PPIF: variants seen among roughly 807,000 people sequenced by gnomAD.
PPIF encodes peptidylprolyl isomerase F.
A neutral mutation model predicts 20.2 loss-of-function variants in PPIF; 23 were observed. The ratio of observed to expected loss-of-function variants is 1.14; its 90% CI spans 0.82 to 1.61. PPIF has a LOEUF of 1.61. PPIF is among the 40% of genes most tolerant of loss of function. The pLI, the probability that PPIF is intolerant of heterozygous loss-of-function variation, is 0.00. For synonymous variants in PPIF, 113 were observed against 123.1 expected, an observed-to-expected ratio of 0.92 and a Z score of 0.54; for missense variants, 287 against 291.6, an observed-to-expected ratio of 0.98 and a Z score of 0.11.
chr10:79,354,029 A>G lies in PPIF; in HGVS notation c.*187A>G. 2 of 613,634 alleles carry G rather than the reference A, an allele frequency of 3.3e-6. No individual in the cohort carries two copies. The highest frequency in any genetic ancestry group is 2.8e-6 in the Non-Finnish European group (1 of 355,864). The allele number at this position is 613,634 out of a possible 1,614,324, so 38.0% of individuals were successfully genotyped here. A position where few individuals can be genotyped will look rare whatever the true frequency, so the allele number is the denominator to read the frequency against. On this transcript the variant is annotated 3_prime_UTR_variant, in exon 6 of 6. Coordinates refer to ENST00000225174, the MANE Select transcript of PPIF (RefSeq NM_005729.4). The stretch of plus-strand genomic sequence containing the variant: ...CCCACCACATTGCTTCCTAATACCC[A>G]CCCTTCCTCACGACCTCATTTCTGG...
chr10:79,348,172 C>T (rs1281388510), intron 1 of PPIF, among the ~76,000 whole-genome samples: 6 of 151,826 alleles, frequency 4.0e-5, no homozygotes, highest in African/African-American at 9.7e-5. Context: ...TTCCTGGCTC[C>T]GGCCCCGCCC....
At chr10:79,349,961 G>A in intron 3 of PPIF, 1 of 1,107,926 alleles carries the variant, frequency 9.0e-7, no homozygotes, top group Non-Finnish European at 1.2e-6. Flanking sequence ...GTCAGTGGCA[G>A]GCCCTGCCCG....
chr10:79,351,436 G>A (rs1320863597), intron 3 of PPIF, 51 bp from the exon 4 acceptor site: 1 of 1,586,630 alleles, frequency 6.3e-7, no homozygotes, highest in Non-Finnish European at 8.6e-7. Flanking sequence ...CCAGGGCCGT[G>A]GCCCCCGCCT....
Position 79,347,686 on chromosome 10 carries a change from G to A in PPIF, c.138G>A (p.Pro46=). Residue 46 remains proline, a synonymous_variant, in exon 1 of 6, where the codon CCG becomes CCA. Coordinates refer to ENST00000225174, the MANE Select transcript of PPIF (RefSeq NM_005729.4). ...CCTCTTCCTCCTCCTCCGGGAACCC[G>A]CTCGTGTACCTGGACGTGGACGCCA... The part of the protein sequence containing the change: ...DPSSSSSSGN[P]LVYLDVDANG... 1.3e-6 allele frequency: 2 copies of A among 1,482,432 alleles called. No individual in the cohort carries two copies. The highest frequency in any genetic ancestry group is 9.0e-7 in the Non-Finnish European group (1 of 1,112,856). The allele number at this position is 1,482,432 out of a possible 1,614,324, so 91.8% of individuals were successfully genotyped here. A position where few individuals can be genotyped will look rare whatever the true frequency, so the allele number is the denominator to read the frequency against.
chr10:79,349,893 C>T, intron 3 of PPIF, 140 bp downstream of exon 3: 1 of 1,480,444 alleles, frequency 6.8e-7, no homozygotes, highest in African/African-American at 1.4e-5. Flanking sequence ...CCTGCATTAG[C>T]CCTGTATCCA....
chr10:79,353,948 C>A lies in PPIF; in HGVS notation c.*106C>A. Reference sequence around the variant, plus strand: ...GCCTGAAACGATACGTGTGCCCACTCCACTGTCACAGTGTGCCTGAGGAAG... The same window carrying A: ...GCCTGAAACGATACGTGTGCCCACTACACTGTCACAGTGTGCCTGAGGAAG... On this transcript the variant is annotated 3_prime_UTR_variant, in exon 6 of 6. Coordinates refer to ENST00000225174, the MANE Select transcript of PPIF (RefSeq NM_005729.4). The A allele has an allele frequency of 2.4e-6, 3 of 1,272,290 alleles. No homozygotes were observed. The highest frequency in any genetic ancestry group is 3.3e-6 in the Non-Finnish European group (3 of 909,026). 78.8% of individuals were successfully genotyped at this position (1,272,290 alleles called of 1,614,324 possible).
At chr10:79,352,543 G>T in intron 5 of PPIF, 151 bp downstream of exon 5, 1 of 764,176 alleles carries the variant, frequency 1.3e-6, no homozygotes, top group East Asian at 2.6e-5. Context: ...ATGAGAAAGA[G>T]AAAGTTAGTG....
At chr10:79,349,011 G>C in intron 1 of PPIF, 65 bp from the exon 2 acceptor site, 4 of 1,612,988 alleles carry the variant, frequency 2.5e-6, no homozygotes, top group Non-Finnish European at 3.4e-6. Context: ...TGGGTGCTGA[G>C]AGACACCCAC....
At chr10:79,351,379 G>A (rs1855980024) in intron 3 of PPIF, 108 bp from the exon 4 acceptor site, 2 of 838,728 alleles carry the variant, frequency 2.4e-6, no homozygotes, top group African/African-American at 1.7e-5. Flanking sequence ...CTTTACCTGA[G>A]GGGCGCCAAC....
chr10:79,350,533 C>G (rs1855966350), intron 3 of PPIF, among the ~76,000 whole-genome samples: 4 of 152,208 alleles, frequency 2.6e-5, no homozygotes, highest in Admixed American at 2.6e-4. Flanking sequence ...TGGTAAGTGG[C>G]AGCGGGTTGG....
At position 79,351,498 on chromosome 10, in the gene PPIF, C is replaced by A. The variant is rs190946692; in HGVS notation, c.327C>A (p.Phe109Leu). The change falls in exon 4 of 6, where the codon TTC (phenylalanine) becomes TTA (leucine). Residue 109 changes from phenylalanine to leucine, a missense_variant. Physicochemically the swap from Phe to Leu is conservative, Grantham distance 22. Coordinates refer to ENST00000225174, the MANE Select transcript of PPIF (RefSeq NM_005729.4). The stretch of plus-strand genomic sequence containing the variant: ...CTTTGTGCTCACAGGCGGGCGACTT[C>A]ACCAACCACAATGGCACAGGCGGGA... ...IPSFMCQAGD[F>L]TNHNGTGGKS... 1 of 1,613,928 alleles carries A rather than the reference C, an allele frequency of 6.2e-7. No homozygotes were observed. Among genetic ancestry groups the A allele is most frequent in the African/African-American group, 1.3e-5 (1 of 75,048 alleles).
intron 1 of PPIF, 42 bp from the exon 2 acceptor site, chr10:79,349,034 C>T (rs1158908327): frequency 1.2e-6 from 2 of 1,613,736 alleles, no homozygotes; most frequent in Non-Finnish European, 1.7e-6. Flanking sequence ...TCACCTGCCT[C>T]TCCAATGACC....
intron 5 of PPIF, among the ~76,000 whole-genome samples, chr10:79,352,663 C>T (rs1050929062): frequency 6.6e-6 from 1 of 152,204 alleles, no homozygotes; most frequent in South Asian, 2.1e-4. Flanking sequence ...CACGCACACA[C>T]GAAAGGGTTT....
Position 79,349,680 on chromosome 10 carries a change from T to C in PPIF, c.242T>C (p.Leu81Pro). ...CGACCCTCAGAGAACTTCAGAGCCC[T>C]GTGCACTGGTGAGAAGGGCTTCGGC... ...VPKTAENFRA[L>P]CTGEKGFGYK... is the part of the protein sequence containing the mutation. Residue 81 changes from leucine (L) to proline (P), a missense_variant, in exon 3 of 6, where the codon CTG (leucine) becomes CCG (proline). Leu to Pro is a moderately conservative substitution (Grantham distance 98, BLOSUM62 -3). Coordinates refer to ENST00000225174, the MANE Select transcript of PPIF (RefSeq NM_005729.4). 2.5e-6 allele frequency: 4 copies of C among 1,613,676 alleles called. No homozygotes were observed. In the South Asian group the frequency reaches 4.4e-5, roughly 18 times the overall value.
chr10:79,353,225 C>T (rs963608619), intron 5 of PPIF, among the ~76,000 whole-genome samples: 1 of 150,840 alleles, frequency 6.6e-6, no homozygotes, highest in Admixed American at 6.6e-5. Flanking sequence ...ACGCCAGCTT[C>T]GCTGGAGCTG....
chr10:79,354,450 T>G lies in PPIF; in HGVS notation c.*608T>G, dbSNP rs1040824457. On this transcript the variant is annotated 3_prime_UTR_variant, in exon 6 of 6. Coordinates refer to ENST00000225174, the MANE Select transcript of PPIF (RefSeq NM_005729.4). ...AAGCCTGTTGGTTTGCTGCTGTCGT[T>G]TTTGAGGAGGGCCCATGGGGGTAGG... is the stretch of plus-strand genomic sequence containing the variant. The G allele has an allele frequency of 6.5e-6, 1 of 153,832 alleles. No individual in the cohort carries two copies. Among genetic ancestry groups the G allele is most frequent in the South Asian group, 2.1e-4 (1 of 4,808 alleles). 9.5% of individuals were successfully genotyped at this position (153,832 alleles called of 1,614,324 possible).
chr10:79,353,998 C>G lies in PPIF; in HGVS notation c.*156C>G. ...GGCTGCTAGGGATGTTAGACCTCGG[C>G]CAGGACCCACCACATTGCTTCCTAA... On this transcript the variant is annotated 3_prime_UTR_variant, in exon 6 of 6. Coordinates refer to ENST00000225174, the MANE Select transcript of PPIF (RefSeq NM_005729.4). 1 of 780,702 alleles carries G rather than the reference C, an allele frequency of 1.3e-6. No individual in the cohort carries two copies. Among genetic ancestry groups the G allele is most frequent in the Non-Finnish European group, 2.0e-6 (1 of 496,180 alleles). The allele number at this position is 780,702 out of a possible 1,614,324, so 48.4% of individuals were successfully genotyped here.
chr10:79,352,176 G>C, intron 4 of PPIF, 141 bp from the exon 5 acceptor site: 1 of 712,524 alleles, frequency 1.4e-6, no homozygotes, highest in South Asian at 1.8e-5. Flanking sequence ...GCTGGTATCG[G>C]GCCCTGGTTC....
intron 4 of PPIF, among the ~76,000 whole-genome samples, chr10:79,352,059 C>T (rs898293347): frequency 2.0e-5 from 3 of 152,110 alleles, no homozygotes; most frequent in African/African-American, 4.8e-5. Flanking sequence ...GGGGTCCTGC[C>T]CCAGGTCCCG....
Sources: gnomAD v4.1 joint callset for allele counts (sites outside exome capture counted in the v4.1 genomes callset) on GRCh38, gnomAD v4.1.1 for gene constraint, MANE v1.5 for transcripts, NCBI Gene and HGNC (gene_info 2026-07-23, HGNC 2026-07-21) for gene names.